Variants in RAB29 observed in about 807,000 individuals in gnomAD.
RAB29 encodes RAB29, member RAS oncogene family, also known as ras-related protein Rab-29.
Under a neutral mutation model 25.5 loss-of-function variants are expected in RAB29, and 13 were observed. That is an observed-to-expected ratio of 0.51 (90% confidence interval 0.33 to 0.81). The LOEUF (loss-of-function observed/expected upper bound fraction) is 0.81. RAB29 is among the 30% of genes least tolerant of loss of function. The pLI is 0.02. For synonymous variants in RAB29, 88 were observed against 95.0 expected (o/e 0.93, Z 0.43); for missense variants, 201 against 254.9 (o/e 0.79, Z 1.44).
At chr1:205,771,446 A>C in intron 4 of RAB29, 26 bp downstream of exon 4, 1 of 1,610,012 alleles carries the variant, frequency 6.2e-7, no homozygotes, top group Non-Finnish European at 8.5e-7. Context: ...GAGGCTAGGG[A>C]CCATTTTCTG....
rs1571625915 is a variant in RAB29 at position 205,775,441 on chromosome 1, C to G, written c.-299G>C. The G allele has an allele frequency of 6.5e-6, 1 of 154,662 alleles. No homozygotes were observed. Among genetic ancestry groups the G allele is most frequent in the African/African-American group, 2.4e-5 (1 of 41,474 alleles). The allele number at this position is 154,662 out of a possible 1,614,324, so 9.6% of individuals were successfully genotyped here. On this transcript the variant is annotated 5_prime_UTR_variant, in exon 1 of 6. Transcript: ENST00000367139. The stretch of plus-strand genomic sequence containing the variant: ...CGCCCTCCCGCGCGCCTCTCTCTCC[C>G]CTTCCTCCGCAAGCGTCACGTGCAG...
chr1:205,773,192 CTGAG>C (rs1251898085), intron 2 of RAB29, among the ~76,000 whole-genome samples: 2 of 152,162 alleles, frequency 1.3e-5, no homozygotes, highest in East Asian at 1.9e-4. Context: ...CTCCTTAAGG[CTGAG>C]TAAGTATTCC....
rs1259505784 is a variant in RAB29, at chr1:205,774,993, G to T, written c.-37C>A. ...TGTGCGTTTTAGGGAGGCGGGAAGT[G>T]TGGTCGGGGATCGGGGGTCGCTCGT... On this transcript the variant is annotated 5_prime_UTR_variant, in exon 2 of 6. Transcript: ENST00000367139. The T allele has an allele frequency of 6.2e-7, 1 of 1,611,470 alleles. No individual in the cohort carries two copies. The highest frequency in any genetic ancestry group is 2.2e-5 in the East Asian group (1 of 44,882).
chr1:205,774,908 C>T lies in RAB29; in HGVS notation c.49G>A (p.Ala17Thr), dbSNP rs1414012767. ...TGCACCAGCGACGTCTTGCCCACTG[C>T]GGCGTCCCCCACCACCAGCACTTTG... ...LFKVLVVGDA[A>T]VGKTSLVQRY... The change falls in exon 2 of 6, where the codon GCA becomes ACA. Residue 17 changes from alanine (A) to threonine (T), a missense_variant. By Grantham distance (58) the Ala-to-Thr change is moderately conservative. Transcript: ENST00000367139. The T allele has an allele frequency of 1.9e-6, 3 of 1,613,590 alleles. No individual in the cohort carries two copies. The highest frequency in any genetic ancestry group is 2.5e-6 in the Non-Finnish European group (3 of 1,179,914).
chr1:205,774,792 T>TGCG, intron 2 of RAB29, 41 bp downstream of exon 2: 1 of 1,287,996 alleles, frequency 7.8e-7, no homozygotes, highest in Non-Finnish European at 1.1e-6. Flanking sequence ...GGTCGGGGCC[T>TGCG]CCTCCTCCCC....
rs748560595 is a variant in RAB29, at chr1:205,768,142, G to A, written c.*2200C>T. 9.9e-5 allele frequency: 15 copies of A among 152,096 alleles called. No homozygotes were observed. The highest frequency in any genetic ancestry group is 1.9e-4 in the Non-Finnish European group (13 of 68,010). The allele number at this position is 152,096 out of a possible 1,614,324, so 9.4% of individuals were successfully genotyped here. On this transcript the variant is annotated 3_prime_UTR_variant, in exon 6 of 6. Coordinates refer to ENST00000367139, the MANE Select transcript of RAB29 (RefSeq NM_003929.3). ...TACCTGAAAATGGTAATACAAAAGA[G>A]AACTATTAATACAAGGTTTCAGAAG...
rs554610044 is a variant in RAB29, at chr1:205,772,571, A to G, written c.125-4T>C. 5.7e-5 allele frequency: 91 copies of G among 1,610,212 alleles called. 1 individual carries two copies. In the South Asian group the frequency reaches 9.9e-4, roughly 17 times the overall value. ...AGAACCTTCAGAGCAAAATCCACTG[A>G]AAATATATGTACATTATACTTTAAT... On this transcript the variant is annotated splice_region_variant and splice_polypyrimidine_tract_variant and intron_variant, in intron 2 of 5. Coordinates refer to ENST00000367139, the MANE Select transcript of RAB29 (RefSeq NM_003929.3).
In RAB29 at chr1:205,770,840, AG is replaced by A; in HGVS notation, c.392del (p.Pro131LeufsTer4). On this transcript the variant is annotated frameshift_variant, in exon 5 of 6. Transcript: ENST00000367139. LOFTEE classifies it high-confidence loss of function. ...CAATCTGGTCCCGGCTCACTGCCCA[AG>A]GGGACAGATCACACTAGCAAAGAGA... is the stretch of plus-strand genomic sequence containing the variant. Reference protein sequence around the residue: ...LLLANKCDLSPWAVSRDQIDR... With the variant: ...LLLANKCDLSXWAVSRDQIDR... The A allele has an allele frequency of 6.2e-7, 1 of 1,614,172 alleles. No homozygotes were observed. The highest frequency in any genetic ancestry group is 2.2e-5 in the East Asian group (1 of 44,888).
At chr1:205,772,414 T>G in intron 3 of RAB29, 82 bp downstream of exon 3, 3 of 1,410,120 alleles carry the variant, frequency 2.1e-6, no homozygotes, top group East Asian at 2.3e-5. Flanking sequence ...AATTTCTGGC[T>G]TTGCTGCCCC....
In RAB29 at chr1:205,768,862, T is replaced by A. The variant is rs1024804330; in HGVS notation, c.*1480A>T. The A allele has an allele frequency of 9.9e-5, 15 of 152,264 alleles. No individual in the cohort carries two copies. Among genetic ancestry groups the A allele is most frequent in the East Asian group, 1.9e-4 (1 of 5,188 alleles). 9.4% of individuals were successfully genotyped at this position (152,264 alleles called of 1,614,324 possible). On this transcript the variant is annotated 3_prime_UTR_variant, in exon 6 of 6. Transcript: ENST00000367139. Reference sequence around the variant, plus strand: ...GGACCCAAAAATCTTAAAACATTTTTAAAAAATTTTAACAAACTTCCCAGG... The same window carrying A: ...GGACCCAAAAATCTTAAAACATTTTAAAAAAATTTTAACAAACTTCCCAGG...
intron 1 of RAB29, 77 bp downstream of exon 1, chr1:205,775,196 G>A (rs926007096): frequency 1.8e-5 from 9 of 494,926 alleles, no homozygotes; most frequent in Admixed American, 3.5e-5. Context: ...CCGAGCCCCC[G>A]GCTGTTCGCA....
rs1384500754 is a variant in RAB29, at chr1:205,768,529, TTC to T, written c.*1811_*1812del. 1.2e-5 allele frequency: 1 copy of T among 84,198 alleles called. No homozygotes were observed. Among genetic ancestry groups the T allele is most frequent in the Non-Finnish European group, 2.5e-5 (1 of 40,178 alleles). The allele number at this position is 84,198 out of a possible 1,614,324, so 5.2% of individuals were successfully genotyped here. On this transcript the variant is annotated 3_prime_UTR_variant, in exon 6 of 6. Transcript: ENST00000367139. The stretch of plus-strand genomic sequence containing the variant: ...TTGAGGTCGGGACCCAAAAATCTTT[TTC>T]TTTTTGTTTTTTTTTTTTGGAGATG...
chr1:205,774,875 A>T lies in RAB29; in HGVS notation c.82T>A (p.Ser28Thr). Residue 28 changes from serine (S) to threonine (T), a missense_variant, in exon 2 of 6, where the codon TCC (serine) becomes ACC (threonine). Physicochemically the swap from Ser to Thr is moderately conservative, Grantham distance 58. Coordinates refer to ENST00000367139, the MANE Select transcript of RAB29 (RefSeq NM_003929.3). Reference sequence around the variant, plus strand: ...TAGTGTTTGCTGAAGCTGTCCTGGGAATATCGCTGCACCAGCGACGTCTTG... The same window carrying T: ...TAGTGTTTGCTGAAGCTGTCCTGGGTATATCGCTGCACCAGCGACGTCTTG... Reference protein sequence around the residue: ...VGKTSLVQRYSQDSFSKHYKS... With the variant: ...VGKTSLVQRYTQDSFSKHYKS... The T allele has an allele frequency of 6.9e-7, 1 of 1,453,036 alleles. No individual in the cohort carries two copies. Among genetic ancestry groups the T allele is most frequent in the Non-Finnish European group, 9.3e-7 (1 of 1,078,566 alleles). The allele number at this position is 1,453,036 out of a possible 1,614,324, so 90.0% of individuals were successfully genotyped here.
At chr1:205,770,883 A>G in intron 4 of RAB29, 29 bp from the exon 5 acceptor site, 1 of 1,613,440 alleles carries the variant, frequency 6.2e-7, no homozygotes, top group Middle Eastern at 1.7e-4. Context: ...AAAAGGCAGT[A>G]TCATAAACTT....
At chr1:205,774,743 C>T in intron 2 of RAB29, 90 bp downstream of exon 2, 1 of 1,399,204 alleles carries the variant, frequency 7.1e-7, no homozygotes, top group Non-Finnish European at 9.9e-7. Flanking sequence ...CAACCGACAG[C>T]AAATCCCCAC....
chr1:205,774,820 C>CCCCAA lies in RAB29; in HGVS notation c.124+12_124+13insTTGGG. ...TCCTCCCCCTCCCCCTCCCCACCCC[C>CCCCAA]GAGACGTCTCACCTCCCACCGTGGA... On this transcript the variant is annotated intron_variant, in intron 2 of 5. Coordinates refer to ENST00000367139, the MANE Select transcript of RAB29 (RefSeq NM_003929.3). The CCCCAA allele has an allele frequency of 6.4e-7, 1 of 1,568,774 alleles. No individual in the cohort carries two copies.
chr1:205,774,776 G>C, intron 2 of RAB29, 57 bp downstream of exon 2: 2 of 1,533,142 alleles, frequency 1.3e-6, no homozygotes, highest in South Asian at 2.4e-5. Flanking sequence ...CCCAGCTCGA[G>C]TCCGCGGTCG....
Position 205,770,407 on chromosome 1 carries a change from A to T in RAB29, c.547T>A (p.Ser183Thr). ...MMRNSTEDIM[S>T]LSTQGDYINL... ...ATGTAGTCCCCTTGGGTGGACAAAGACATGATATCTTCTGTGGAATTTCTC... is the reference window on the plus strand; with the variant it reads ...ATGTAGTCCCCTTGGGTGGACAAAGTCATGATATCTTCTGTGGAATTTCTC... Residue 183 changes from serine (S) to threonine (T), a missense_variant, in exon 6 of 6, where the codon TCT becomes ACT. Coordinates refer to ENST00000367139, the MANE Select transcript of RAB29 (RefSeq NM_003929.3). 1 of 1,614,238 alleles carries T rather than the reference A, an allele frequency of 6.2e-7. No homozygotes were observed. Among genetic ancestry groups the T allele is most frequent in the Non-Finnish European group, 8.5e-7 (1 of 1,180,030 alleles).
chr1:205,771,731 C>T, intron 3 of RAB29, 78 bp from the exon 4 acceptor site: 1 of 1,411,874 alleles, frequency 7.1e-7, no homozygotes, highest in Non-Finnish European at 1.0e-6. Flanking sequence ...GGGCAGTAAG[C>T]ATATGTGTCA....
Sources: allele counts gnomAD v4.1 joint callset (sites outside exome capture counted in the v4.1 genomes callset), GRCh38; gene constraint gnomAD v4.1.1; transcripts MANE v1.5; gene names NCBI Gene and HGNC (gene_info 2026-07-23, HGNC 2026-07-21).